CHRM5: variants seen among roughly 807,000 people sequenced by gnomAD.
CHRM5 encodes the protein cholinergic receptor muscarinic 5.
In CHRM5, 18 loss-of-function variants were observed where a neutral mutation model predicts 39.0. The ratio of observed to expected loss-of-function variants is 0.46; its 90% confidence interval spans 0.32 to 0.68. CHRM5 has a LOEUF of 0.68. CHRM5 is among the 30% of genes least tolerant of loss of function. The pLI is 0.04. For missense variants in CHRM5, 515 were observed against 651.1 expected (o/e 0.79, Z 2.28); for synonymous variants, 241 against 246.3 (o/e 0.98, Z 0.20).
chr15:33,991,249 A>G (rs563586967), intron 1 of CHRM5: 1 of 152,366 alleles, frequency 6.6e-6, no homozygotes, highest in African/African-American at 2.4e-5. Flanking sequence ...GAACCCTGGT[A>G]TAAAAATACA....
At chr15:33,976,490 C>T (rs1174220807) in intron 1 of CHRM5, among the ~76,000 whole-genome samples, 2 of 152,146 alleles carry the variant, frequency 1.3e-5, no homozygotes, top group African/African-American at 4.8e-5. Context: ...TTCTGCCATG[C>T]CCGCATCAGA....
At chr15:34,037,123 A>AT (rs1899175649) in intron 1 of CHRM5, among the ~76,000 whole-genome samples, 1 of 149,918 alleles carries the variant, frequency 6.7e-6, no homozygotes, top group African/African-American at 2.5e-5. Flanking sequence ...AAAAAAAAAA[A>AT]AATATATACC....
chr15:34,035,252 T>C (rs1293059495), intron 1 of CHRM5, among the ~76,000 whole-genome samples: 1 of 152,148 alleles, frequency 6.6e-6, no homozygotes, highest in African/African-American at 2.4e-5. Flanking sequence ...ATATAAATCA[T>C]TTTAAAAGGA....
chr15:34,044,094 A>G (rs1567486213), intron 1 of CHRM5, among the ~76,000 whole-genome samples: 4 of 151,250 alleles, frequency 2.6e-5, no homozygotes, highest in African/African-American at 4.9e-5. Context: ...TTTAAAAAAA[A>G]TGAAAAAAAA....
intron 1 of CHRM5, among the ~76,000 whole-genome samples, chr15:33,998,163 C>T (rs34773983): frequency 0.15 from 22,714 of 152,144 alleles, 2,143 homozygotes; most frequent in Middle Eastern, 0.27. Context: ...GAAAACTGCC[C>T]AAGCCCCAGC....
At position 34,065,146 on chromosome 15, in the gene CHRM5, T is replaced by TG. The variant is rs1900477303; in HGVS notation, c.*831dup. On this transcript the variant is annotated 3_prime_UTR_variant, in exon 3 of 3. Coordinates refer to ENST00000383263, the MANE Select transcript of CHRM5 (RefSeq NM_012125.4). ...TTTTTTCTTTTATCTAAACAGATAT[T>TG]GTGCATTCTATTTTGTGCCCATTTG... is the stretch of plus-strand genomic sequence containing the variant. The TG allele has an allele frequency of 6.3e-6, 1 of 159,114 alleles. No homozygotes were observed. Among genetic ancestry groups the TG allele is most frequent in the Admixed American group, 6.5e-5 (1 of 15,280 alleles). The allele number at this position is 159,114 out of a possible 1,614,324, so 9.9% of individuals were successfully genotyped here.
chr15:34,024,868 A>C (rs975122332), intron 1 of CHRM5, among the ~76,000 whole-genome samples: 8 of 149,808 alleles, frequency 5.3e-5, no homozygotes, highest in African/African-American at 2.0e-4. Flanking sequence ...CTCAAAAAAA[A>C]AAGGAAAAAA....
intron 1 of CHRM5, among the ~76,000 whole-genome samples, chr15:34,001,991 T>C (rs962889305): frequency 6.6e-6 from 1 of 152,194 alleles, no homozygotes; most frequent in African/African-American, 2.4e-5. Context: ...CTGGCAATAA[T>C]TATTTAGCGA....
Position 33,969,001 on chromosome 15 carries a change from T to G in CHRM5, c.-557T>G, listed in dbSNP as rs1309114481. The G allele has an allele frequency of 6.6e-6, 1 of 152,062 alleles. No individual in the cohort carries two copies. The highest frequency in any genetic ancestry group is 2.4e-5 in the African/African-American group (1 of 41,436). 9.4% of individuals were successfully genotyped at this position (152,062 alleles called of 1,614,324 possible). ...ACTATCCTAACTAATGCTACAGGAT[T>G]ATCAGGAATACAGATATAAAGACAC... On this transcript the variant is annotated 5_prime_UTR_variant, in exon 1 of 3. It adds an upstream start codon to the 5' untranslated region. Transcript: ENST00000383263.
At chr15:33,990,437 G>A (rs1597320943) in intron 1 of CHRM5, among the ~76,000 whole-genome samples, 1 of 152,214 alleles carries the variant, frequency 6.6e-6, no homozygotes, top group Middle Eastern at 3.4e-3. Context: ...GATGCAGCCA[G>A]TTGTCTAACT....
At chr15:33,987,295 G>GT (rs150320409) in intron 1 of CHRM5, among the ~76,000 whole-genome samples, 2,117 of 152,270 alleles carry the variant, frequency 0.014, 21 homozygotes, top group Non-Finnish European at 0.021. Context: ...ACATTTGAAG[G>GT]TTTTTTCATT....
At chr15:33,983,772 A>T (rs1896297963) in intron 1 of CHRM5, among the ~76,000 whole-genome samples, 1 of 152,094 alleles carries the variant, frequency 6.6e-6, no homozygotes, top group Non-Finnish European at 1.5e-5. Flanking sequence ...AACCTGACGG[A>T]GGTTTCTAAG....
At position 33,973,922 on chromosome 15, in the gene CHRM5, C is replaced by T. The variant is rs140856304; in HGVS notation, c.-408+4772C>T. 8.8e-4 allele frequency among the ~76,000 whole-genome samples: 134 copies of T among 152,242 alleles called. 1 individual carries two copies. Among genetic ancestry groups the T allele is most frequent in the South Asian group, 8.5e-3 (41 of 4,826 alleles). ...GAAGAATAGTGATCCTAAAATATAC[C>T]TCAGCTGCATTTCACTGATAATAGG... is the stretch of plus-strand genomic sequence containing the variant. On this transcript the variant is annotated intron_variant, in intron 1 of 2. Transcript: ENST00000383263.
rs1900430062 is a variant in CHRM5, at chr15:34,063,733, C to T, written c.1016C>T (p.Ala339Val). The change falls in exon 3 of 3, where the codon GCT (alanine) becomes GTT (valine). Residue 339 changes from alanine to valine, a missense_variant. Physicochemically the swap from Ala to Val is moderately conservative, Grantham distance 64 (BLOSUM62 0). Coordinates refer to ENST00000383263, the MANE Select transcript of CHRM5 (RefSeq NM_012125.4). This position sits in a 1 kb window ranked among gnomAD's most constrained non-coding sequence, Gnocchi z 4.1. ...GAAAGCCCAGGGGAAGAATTCAGTG[C>T]TGAAGAGACTGAGGAAACTTTTGTG... is the stretch of plus-strand genomic sequence containing the variant. The part of the protein sequence containing the change: ...GKESPGEEFS[A>V]EETEETFVKA... 1 of 1,614,066 alleles carries T rather than the reference C, an allele frequency of 6.2e-7. No homozygotes were observed. Among genetic ancestry groups the T allele is most frequent in the Admixed American group, 1.7e-5 (1 of 60,008 alleles).
chr15:34,022,981 T>A (rs1009757091), intron 1 of CHRM5, among the ~76,000 whole-genome samples: 1 of 151,666 alleles, frequency 6.6e-6, no homozygotes, highest in Non-Finnish European at 1.5e-5. Flanking sequence ...AGGTCAGGAG[T>A]TCAAGACTAG....
At chr15:34,023,867 T>G (rs529305003) in intron 1 of CHRM5, among the ~76,000 whole-genome samples, 7 of 152,316 alleles carry the variant, frequency 4.6e-5, no homozygotes, top group African/African-American at 1.7e-4. Flanking sequence ...GCCACGTTTT[T>G]GGCCAGGGAA....
intron 1 of CHRM5, among the ~76,000 whole-genome samples, chr15:34,009,386 C>A (rs1438322256): frequency 1.3e-5 from 2 of 152,158 alleles, no homozygotes; most frequent in Non-Finnish European, 2.9e-5. Flanking sequence ...CATATTTCTT[C>A]TCTTGTCTTC....
chr15:33,973,220 T>G (rs1318797324), intron 1 of CHRM5, among the ~76,000 whole-genome samples: 1 of 152,214 alleles, frequency 6.6e-6, no homozygotes, highest in Non-Finnish European at 1.5e-5. Context: ...TATAGAAATG[T>G]AGCACTGAAT....
rs904451604 is a variant in CHRM5, at chr15:34,046,562, C to A, written c.-385C>A. 2.0e-5 allele frequency: 3 copies of A among 152,166 alleles called. No individual in the cohort carries two copies. The highest frequency in any genetic ancestry group is 4.8e-5 in the African/African-American group (2 of 41,448). 9.4% of individuals were successfully genotyped at this position (152,166 alleles called of 1,614,324 possible). On this transcript the variant is annotated 5_prime_UTR_variant, in exon 2 of 3. Coordinates refer to ENST00000383263, the MANE Select transcript of CHRM5 (RefSeq NM_012125.4). Reference sequence around the variant, plus strand: ...TAGGAACCTAGGAAATCATTCTCAGCCTTGCAACTTAAAATATGGTACATG... The same window carrying A: ...TAGGAACCTAGGAAATCATTCTCAGACTTGCAACTTAAAATATGGTACATG...
Sources: allele counts gnomAD v4.1 joint callset (sites outside exome capture counted in the v4.1 genomes callset), GRCh38; gene constraint gnomAD v4.1.1; non-coding constraint Gnocchi (gnomAD v3.1); transcripts MANE v1.5; gene names NCBI Gene and HGNC (gene_info 2026-07-23, HGNC 2026-07-21).